Variants in SEMA3D observed in about 807,000 individuals in gnomAD.
The protein encoded by SEMA3D is semaphorin-3D.
A neutral mutation model predicts 100.1 loss-of-function variants in SEMA3D; 84 were observed. That is an observed-to-expected ratio of 0.84 (90% CI 0.70 to 1.01). The LOEUF (loss-of-function observed/expected upper bound fraction) is 1.01, where lower values mean the gene tolerates loss of function less well. Among genes scored for constraint, SEMA3D ranks in the 50% least tolerant of loss-of-function variants. SEMA3D has a pLI of 0.00. For synonymous variants in SEMA3D, 312 were observed against 320.7 expected, an observed-to-expected ratio of 0.97 and a Z score of 0.29; for missense variants, 875 against 934.1, an observed-to-expected ratio of 0.94 and a Z score of 0.82.
chr7:85,244,071 A>G, the SEMA3D span, among the ~76,000 whole-genome samples: 1 of 152,218 alleles, frequency 6.6e-6, no homozygotes, highest in African/African-American at 2.4e-5. Flanking sequence ...TAGGTAACTT[A>G]TAAAGAAAAG....
chr7:85,198,220 G>A, the SEMA3D span, among the ~76,000 whole-genome samples: 15 of 151,734 alleles, frequency 9.9e-5, no homozygotes, highest in East Asian at 3.9e-4. Flanking sequence ...GCTTTTTCCC[G>A]TACAGGTTTT....
chr7:85,139,061 G>A (rs796573056), intron 2 of SEMA3D, among the ~76,000 whole-genome samples: 3 of 152,190 alleles, frequency 2.0e-5, no homozygotes, highest in African/African-American at 7.2e-5. Context: ...TTTATGAGAG[G>A]TGAGATTGCC....
At chr7:85,190,366 C>G (rs374282415), upstream of SEMA3D, among the ~76,000 whole-genome samples, 9 of 152,232 alleles carry the variant, frequency 5.9e-5, no homozygotes, top group African/African-American at 2.2e-4. Flanking sequence ...ACCTTATAAA[C>G]GTTTTCTCAT....
In SEMA3D at chr7:85,097,837, T is replaced by C. The variant is rs770452511; in HGVS notation, c.280A>G (p.Ser94Gly). 5.0e-6 allele frequency: 8 copies of C among 1,606,394 alleles called. No individual in the cohort carries two copies. The Admixed American group carries it at 1.0e-4, about 20-fold the overall frequency. The change falls in exon 4 of 19, where the codon AGT becomes GGT. Residue 94 changes from serine to glycine, a missense_variant. Transcript: ENST00000284136. ...LGAKDHIFLL[S>G]LVDLNKNFKK... The stretch of plus-strand genomic sequence containing the variant: ...AAATTTTTGTTTAAGTCAACCAGAC[T>C]GAGTAGAAAGATGTGGTCTTTGGCT...
chr7:85,027,732 A>T, intron 12 of SEMA3D: 1 of 324,888 alleles, frequency 3.1e-6, no homozygotes, highest in South Asian at 2.9e-5. Context: ...CCAACATAAA[A>T]GGAATATTAA....
the SEMA3D span, among the ~76,000 whole-genome samples, chr7:85,236,700 C>T: frequency 6.6e-6 from 1 of 152,088 alleles, no homozygotes; most frequent in African/African-American, 2.4e-5. Context: ...AAAATCATCT[C>T]ATAAACTTAA....
At chr7:85,066,913 C>CACACACACACACACACACAGAGAGAG in intron 7 of SEMA3D, among the ~76,000 whole-genome samples, 5 of 127,758 alleles carry the variant, frequency 3.9e-5, no homozygotes, top group African/African-American at 1.6e-4. Flanking sequence ...CACACACACA[C>CACACACACACACACACACAGAGAGAG]AGAGAGAGAG....
the SEMA3D span, among the ~76,000 whole-genome samples, chr7:85,201,306 C>G: frequency 1.3e-5 from 2 of 152,170 alleles, no homozygotes; most frequent in Non-Finnish European, 2.9e-5. Context: ...ATCGCCTACA[C>G]TTTTAAGCCC....
At chr7:85,240,047 T>G in the SEMA3D span, among the ~76,000 whole-genome samples, 1 of 152,168 alleles carries the variant, frequency 6.6e-6, no homozygotes, top group Non-Finnish European at 1.5e-5. Flanking sequence ...TCCAACAAAA[T>G]GTTGAAAAGC....
intron 2 of SEMA3D, among the ~76,000 whole-genome samples, chr7:85,137,114 C>T (rs1001149003): frequency 6.6e-6 from 1 of 151,868 alleles, no homozygotes; most frequent in African/African-American, 2.4e-5. Context: ...TTCAGTTTTA[C>T]TTTTTCAGGG....
chr7:85,049,959 G>A (rs903978898), intron 9 of SEMA3D, among the ~76,000 whole-genome samples: 1 of 151,658 alleles, frequency 6.6e-6, no homozygotes, highest in African/African-American at 2.4e-5. Context: ...TTCCAAAAAT[G>A]AATAGAATTC....
At chr7:85,061,587 A>T (rs760979087) in intron 8 of SEMA3D, among the ~76,000 whole-genome samples, 20 of 152,024 alleles carry the variant, frequency 1.3e-4, no homozygotes, top group Non-Finnish European at 2.6e-4. Context: ...CAGACAGATG[A>T]CTCCATTGAC....
At chr7:85,009,699 T>G (rs1466100927) in intron 17 of SEMA3D, among the ~76,000 whole-genome samples, 1 of 151,844 alleles carries the variant, frequency 6.6e-6, no homozygotes. Flanking sequence ...CCAATCTATG[T>G]GAGGTCTTTC....
chr7:85,175,807 A>G (rs1208476300), intron 1 of SEMA3D, among the ~76,000 whole-genome samples: 1 of 152,052 alleles, frequency 6.6e-6, no homozygotes, highest in Non-Finnish European at 1.5e-5. Flanking sequence ...GGGGAACTAT[A>G]TAAATATATG....
intron 8 of SEMA3D, among the ~76,000 whole-genome samples, chr7:85,057,393 A>G (rs897074680): frequency 1.3e-5 from 2 of 152,206 alleles, no homozygotes; most frequent in African/African-American, 4.8e-5. Context: ...AATATGTGGC[A>G]CCTGGAAAGA....
intron 8 of SEMA3D, among the ~76,000 whole-genome samples, chr7:85,062,870 C>A (rs1044023782): frequency 6.6e-6 from 1 of 152,004 alleles, no homozygotes; most frequent in Admixed American, 6.6e-5. Flanking sequence ...TGAAACTATT[C>A]GGATGGATGA....
intron 18 of SEMA3D, among the ~76,000 whole-genome samples, chr7:85,001,353 T>C (rs1425874382): frequency 6.6e-6 from 1 of 152,220 alleles, no homozygotes; most frequent in Non-Finnish European, 1.5e-5. Flanking sequence ...ATGGATTTAT[T>C]CTTAAAGCCC....
rs749321972 is a variant in SEMA3D at position 84,999,422 on chromosome 7, TTTAAA to T, written c.*13_*17del. ...TTTTTATAGGTAAGGAATTCTTTTCTTTAAATTAAGTAGAAAACTACGTGGCTACA... is the reference window on the plus strand; with the variant it reads ...TTTTTATAGGTAAGGAATTCTTTTCTTTAAGTAGAAAACTACGTGGCTACA... On this transcript the variant is annotated 3_prime_UTR_variant, in exon 19 of 19. Transcript: ENST00000284136. 9 of 1,603,742 alleles carry T rather than the reference TTTAAA, an allele frequency of 5.6e-6. No homozygotes were observed. Among genetic ancestry groups the T allele is most frequent in the African/African-American group, 2.7e-5 (2 of 74,368 alleles).
At chr7:85,208,083 A>G in the SEMA3D span, among the ~76,000 whole-genome samples, 1 of 152,046 alleles carries the variant, frequency 6.6e-6, no homozygotes, top group Non-Finnish European at 1.5e-5. Context: ...GAATGTGGTA[A>G]TTAACAAAAG....
Sources: allele counts gnomAD v4.1 joint callset (sites outside exome capture counted in the v4.1 genomes callset), GRCh38; gene constraint gnomAD v4.1.1; transcripts MANE v1.5; gene names NCBI Gene and HGNC (gene_info 2026-07-23, HGNC 2026-07-21).